LIFR: variants seen among roughly 807,000 people sequenced by gnomAD.
LIFR encodes the protein leukemia inhibitory factor receptor.
LIFR carries 84 observed loss-of-function variants against 122.2 expected under a neutral mutation model. That is an observed-to-expected ratio of 0.69 (90% CI 0.58 to 0.82). The LOEUF (loss-of-function observed/expected upper bound fraction) is 0.82. Ranked by LOEUF, LIFR falls within the 40% of genes least tolerant of loss-of-function variation. LIFR has a pLI of 0.00. For missense variants in LIFR, 1,294 were observed against 1,311.6 expected, an observed-to-expected ratio of 0.99 and a Z score of 0.21; for synonymous variants, 422 against 434.7, an observed-to-expected ratio of 0.97 and a Z score of 0.36.
chr5:38,567,769 T>A (rs1008233326), intron 1 of LIFR, among the ~76,000 whole-genome samples: 1 of 152,064 alleles, frequency 6.6e-6, no homozygotes, highest in Non-Finnish European at 1.5e-5. Flanking sequence ...CCACAGGTGA[T>A]CTGCCCACCT....
chr5:38,586,041 G>A (rs1194533389), intron 1 of LIFR, among the ~76,000 whole-genome samples: 1 of 152,024 alleles, frequency 6.6e-6, no homozygotes, highest in East Asian at 1.9e-4. Flanking sequence ...TCCGGTATCC[G>A]CTTCCCCTTT....
intron 1 of LIFR, among the ~76,000 whole-genome samples, chr5:38,572,498 G>A (rs1264055564): frequency 2.0e-5 from 3 of 152,152 alleles, no homozygotes; most frequent in Non-Finnish European, 4.4e-5. Flanking sequence ...TTTGGGTGGG[G>A]GCACAGATCC....
rs73079429 is a variant in LIFR, at chr5:38,543,894, A to G, written c.-20+12440T>C. 6.0e-3 allele frequency among the ~76,000 whole-genome samples: 919 copies of G among 152,232 alleles called. 11 individuals carry two copies. The highest frequency in any genetic ancestry group is 0.021 in the African/African-American group (854 of 41,528). ...ACAACTTGTCACCTGGAAGTCTCAT[A>G]GGTGTCTTGAACTATGTCCAAAACT... is the stretch of plus-strand genomic sequence containing the variant. On this transcript the variant is annotated intron_variant, in intron 1 of 19. Coordinates refer to ENST00000453190, the MANE Select transcript of LIFR (RefSeq NM_001127671.2).
intron 2 of LIFR, among the ~76,000 whole-genome samples, chr5:38,605,816 A>G (rs55940947): frequency 0.32 from 48,264 of 152,080 alleles, 8,576 homozygotes; most frequent in Middle Eastern, 0.39. Flanking sequence ...TTACCAACCC[A>G]TGACCTGGAA....
intron 1 of LIFR, among the ~76,000 whole-genome samples, chr5:38,553,606 G>T (rs1179976163): frequency 4.6e-5 from 5 of 109,768 alleles, no homozygotes; most frequent in African/African-American, 1.6e-4. Context: ...TCTAAGAGGA[G>T]TTTGGACCAT....
chr5:38,520,306 T>C (rs1167611688), intron 5 of LIFR, among the ~76,000 whole-genome samples: 2 of 152,164 alleles, frequency 1.3e-5, no homozygotes, highest in East Asian at 3.9e-4. Flanking sequence ...CACATTACAA[T>C]GGGAGTATTA....
chr5:38,600,680 C>A (rs1016860649), intron 2 of LIFR, among the ~76,000 whole-genome samples: 1 of 152,188 alleles, frequency 6.6e-6, no homozygotes, highest in Non-Finnish European at 1.5e-5. Flanking sequence ...TTCCTGGCTC[C>A]TTTTCCTCTC....
rs1285688747 is a variant in LIFR, at chr5:38,480,122, CAAA to C, written c.*1470_*1472del. On this transcript the variant is annotated 3_prime_UTR_variant, in exon 20 of 20. Transcript: ENST00000453190. ...AGAATCTCAGATGATAAAAAACAAA[CAAA>C]CAACCAAAAAAAACAAACAAAAAAG... The C allele has an allele frequency of 1.8e-5, 4 of 228,034 alleles. No individual in the cohort carries two copies. Among genetic ancestry groups the C allele is most frequent in the African/African-American group, 8.9e-5 (4 of 44,824 alleles). 14.1% of individuals were successfully genotyped at this position (228,034 alleles called of 1,614,324 possible).
At chr5:38,507,162 G>A (rs951839191) in intron 7 of LIFR, among the ~76,000 whole-genome samples, 31 of 152,040 alleles carry the variant, frequency 2.0e-4, no homozygotes, top group African/African-American at 7.2e-4. Flanking sequence ...AACTGACTGC[G>A]GCTCTTTTGT....
chr5:38,523,487 GA>G lies in LIFR; in HGVS notation c.492del (p.Pro165HisfsTer21). 6.2e-7 allele frequency: 1 copy of G among 1,613,562 alleles called. No individual in the cohort carries two copies. The highest frequency in any genetic ancestry group is 1.1e-5 in the South Asian group (1 of 91,004). On this transcript the variant is annotated frameshift_variant, in exon 5 of 20. Transcript: ENST00000453190. LOFTEE classifies it high-confidence loss of function. ...YLKWNDRGSV[F>X]PHRSNVIWEI... Reference sequence around the variant, plus strand: ...TCCCAGATAACATTTGAGCGGTGTGGAAAAACTGAACCCCTGTCGTTCCACT... The same window carrying G: ...TCCCAGATAACATTTGAGCGGTGTGGAAAACTGAACCCCTGTCGTTCCACT...
rs1743653902 is a variant in LIFR at position 38,474,805 on chromosome 5, AC to A, written c.*6789del. 6.6e-6 allele frequency among the ~76,000 whole-genome samples: 1 copy of A among 152,180 alleles called. No homozygotes were observed. The highest frequency in any genetic ancestry group is 1.5e-5 in the Non-Finnish European group (1 of 68,022). ...TGTTACACCAATGGCACAGCAATGT[AC>A]TCAAATGTTAAAAATACATCCATAG... On this transcript the variant is annotated 3_prime_UTR_variant, in exon 20 of 20. Transcript: ENST00000453190.
At chr5:38,573,779 C>T (rs1749292214) in intron 1 of LIFR, among the ~76,000 whole-genome samples, 1 of 152,138 alleles carries the variant, frequency 6.6e-6, no homozygotes, top group African/African-American at 2.4e-5. Flanking sequence ...ACCACTCCCA[C>T]CCTATTTCCC....
Position 38,510,755 on chromosome 5 carries a change from A to G in LIFR, c.737-37T>C, listed in dbSNP as rs558124036. ...AAGAGGAATTATAAACATTTTATATAGAAGTATTTTACATAAACTTTTCTG... is the reference window on the plus strand; with the variant it reads ...AAGAGGAATTATAAACATTTTATATGGAAGTATTTTACATAAACTTTTCTG... On this transcript the variant is annotated intron_variant, in intron 6 of 19. Transcript: ENST00000453190. The G allele has an allele frequency of 2.4e-4, 376 of 1,553,602 alleles. 4 individuals are homozygous for G. In the East Asian group the frequency reaches 8.1e-3, roughly 34 times the overall value.
At chr5:38,535,377 T>C (rs1400172528) in intron 1 of LIFR, among the ~76,000 whole-genome samples, 1 of 152,198 alleles carries the variant, frequency 6.6e-6, no homozygotes. Context: ...CACAACACTT[T>C]AATTATATTT....
At chr5:38,603,894 C>G (rs529153852) in intron 2 of LIFR, among the ~76,000 whole-genome samples, 1 of 152,152 alleles carries the variant, frequency 6.6e-6, no homozygotes, top group East Asian at 1.9e-4. Context: ...CCACATCCTT[C>G]AACTCACTTA....
rs550374106 is a variant in LIFR at position 38,491,729 on chromosome 5, T to C, written c.2066-1438A>G. On this transcript the variant is annotated intron_variant, in intron 14 of 19. Coordinates refer to ENST00000453190, the MANE Select transcript of LIFR (RefSeq NM_001127671.2). ...AAACTGAATCAACTTGTCTAAAATA[T>C]TAACTTTTCTTCTTGTAATCACTTT... Among the ~76,000 whole-genome samples, 26 of 152,350 alleles carry C rather than the reference T, an allele frequency of 1.7e-4. No individual in the cohort carries two copies. In the South Asian group the frequency reaches 5.2e-3, roughly 30 times the overall value.
chr5:38,540,649 G>A (rs771951938), intron 1 of LIFR, among the ~76,000 whole-genome samples: 15 of 152,104 alleles, frequency 9.9e-5, no homozygotes, highest in African/African-American at 1.4e-4. Context: ...GAGGACGAGC[G>A]GCCAGTACAG....
At chr5:38,499,481 T>C (rs780954081) in intron 12 of LIFR, 32 bp downstream of exon 12, 2 of 1,403,418 alleles carry the variant, frequency 1.4e-6, no homozygotes, top group Admixed American at 3.3e-5. Context: ...AGCAAAGTAA[T>C]GTAAATGTTC....
chr5:38,515,335 T>A (rs1255362518), intron 5 of LIFR, among the ~76,000 whole-genome samples: 1 of 151,884 alleles, frequency 6.6e-6, no homozygotes, highest in African/African-American at 2.4e-5. Context: ...CAGAAAGCCC[T>A]CAGAGATTTA....
Sources: allele counts gnomAD v4.1 joint callset (sites outside exome capture counted in the v4.1 genomes callset), GRCh38; gene constraint gnomAD v4.1.1; transcripts MANE v1.5; gene names NCBI Gene and HGNC (gene_info 2026-07-23, HGNC 2026-07-21).